PRLR: variants seen among roughly 807,000 people sequenced by gnomAD.
PRLR encodes the protein prolactin receptor, also known as hPRL receptor.
Under a neutral mutation model 40.2 loss-of-function variants are expected in PRLR, and 13 were observed. That is an observed-to-expected ratio of 0.32 (90% CI 0.21 to 0.51). The LOEUF (loss-of-function observed/expected upper bound fraction) is 0.51. Ranked by LOEUF, PRLR falls within the 20% of genes least tolerant of loss-of-function variation. The probability of loss-of-function intolerance (pLI) is 0.97; values close to 1 mark genes in which losing one functional copy is unlikely to be tolerated. For missense variants in PRLR, 656 were observed against 747.3 expected (o/e 0.88, Z 1.42); for synonymous variants, 269 against 278.7 (o/e 0.97, Z 0.35).
chr5:35,093,703 C>T (rs149941455), intron 2 of PRLR, among the ~76,000 whole-genome samples: 306 of 152,346 alleles, frequency 2.0e-3, no homozygotes, highest in African/African-American at 6.8e-3. Context: ...ATACATATGA[C>T]ATGCACAAAT....
At chr5:35,129,756 A>T (rs1044641444) in intron 1 of PRLR, among the ~76,000 whole-genome samples, 3 of 151,498 alleles carry the variant, frequency 2.0e-5, no homozygotes, top group African/African-American at 7.3e-5. Context: ...CCAGTGACAG[A>T]GTAACTTTAC....
At chr5:35,186,945 C>T (rs569269467) in intron 1 of PRLR, among the ~76,000 whole-genome samples, 12 of 152,190 alleles carry the variant, frequency 7.9e-5, no homozygotes, top group South Asian at 4.2e-4. Flanking sequence ...AGAGCACCCG[C>T]GGTGGCATGT....
At chr5:35,209,720 C>T (rs1180399292) in intron 1 of PRLR, among the ~76,000 whole-genome samples, 1 of 152,186 alleles carries the variant, frequency 6.6e-6, no homozygotes, top group African/African-American at 2.4e-5. Context: ...TATTCATTTC[C>T]ACGATCCAGA....
rs182702370 is a variant in PRLR, at chr5:35,107,872, C to T, written c.-44+10189G>A. On this transcript the variant is annotated intron_variant, in intron 2 of 9. Coordinates refer to ENST00000618457, the MANE Select transcript of PRLR (RefSeq NM_000949.7). ...AGAGGGAATCCTCCCTAACTCATTT[C>T]ATGAGGCCAGCATCATCCTGATACC... Among the ~76,000 whole-genome samples the T allele has an allele frequency of 1.3e-3, 199 of 152,256 alleles. 1 individual carries two copies. Among genetic ancestry groups the T allele is most frequent in the African/African-American group, 4.3e-3 (180 of 41,542 alleles).
chr5:35,173,387 T>TC lies in PRLR; in HGVS notation c.-105-55266dup, dbSNP rs1775056283. Among the ~76,000 whole-genome samples the TC allele has an allele frequency of 3.3e-5, 5 of 152,226 alleles. No individual in the cohort carries two copies. The South Asian group carries it at 8.3e-4, about 25-fold the overall frequency. Reference sequence around the variant, plus strand: ...GGGTCCATTCATGCCCTGCTTTTTCTCTTCCTCAGCCTTGATCTTGTTCCC... The same window carrying TC: ...GGGTCCATTCATGCCCTGCTTTTTCTCCTTCCTCAGCCTTGATCTTGTTCCC... On this transcript the variant is annotated intron_variant, in intron 1 of 9. Transcript: ENST00000618457.
chr5:35,210,933 A>G (rs1776153584), intron 1 of PRLR, among the ~76,000 whole-genome samples: 1 of 152,104 alleles, frequency 6.6e-6, no homozygotes, highest in Non-Finnish European at 1.5e-5. Context: ...GCTGGTCTCA[A>G]ACTACTTGGG....
At chr5:35,193,727 T>A (rs1481852633) in intron 1 of PRLR, among the ~76,000 whole-genome samples, 2 of 152,136 alleles carry the variant, frequency 1.3e-5, no homozygotes, top group Non-Finnish European at 2.9e-5. Flanking sequence ...TCTCCGAACA[T>A]CTGGAGGGCA....
At chr5:35,228,911 A>G (rs1188047358) in intron 1 of PRLR, among the ~76,000 whole-genome samples, 3 of 152,126 alleles carry the variant, frequency 2.0e-5, no homozygotes, top group African/African-American at 7.2e-5. Flanking sequence ...CATGGCTTTC[A>G]GGGAGTATCC....
At chr5:35,117,479 T>G (rs1037048707) in intron 2 of PRLR, among the ~76,000 whole-genome samples, 1 of 152,146 alleles carries the variant, frequency 6.6e-6, no homozygotes, top group Non-Finnish European at 1.5e-5. Flanking sequence ...GGTTTCTCCA[T>G]CTGTAAAATG....
chr5:35,165,996 C>T (rs1774815452), intron 1 of PRLR, among the ~76,000 whole-genome samples: 1 of 152,082 alleles, frequency 6.6e-6, no homozygotes, highest in Admixed American at 6.6e-5. Flanking sequence ...AGTTTCTATC[C>T]TCATATTCCT....
downstream of PRLR, among the ~76,000 whole-genome samples, chr5:35,051,704 G>T (rs1768503579): frequency 6.6e-6 from 1 of 152,168 alleles, no homozygotes; most frequent in African/African-American, 2.4e-5. Flanking sequence ...AAAGAAAAAT[G>T]AAGGAAGGGT....
At chr5:35,107,329 G>C (rs183334543) in intron 2 of PRLR, among the ~76,000 whole-genome samples, 2 of 152,230 alleles carry the variant, frequency 1.3e-5, no homozygotes, top group African/African-American at 4.8e-5. Context: ...AGAGAAGCAA[G>C]AGCAAACACA....
chr5:35,207,266 T>A (rs1348867079), intron 1 of PRLR, among the ~76,000 whole-genome samples: 2 of 152,094 alleles, frequency 1.3e-5, no homozygotes, highest in African/African-American at 4.8e-5. Context: ...TTATAAACTT[T>A]TATAATTAAC....
At chr5:35,113,069 C>A (rs1275982416) in intron 2 of PRLR, among the ~76,000 whole-genome samples, 1 of 151,832 alleles carries the variant, frequency 6.6e-6, no homozygotes, top group Non-Finnish European at 1.5e-5. Context: ...CATCCACCCA[C>A]CCATCCATCC....
intron 1 of PRLR, among the ~76,000 whole-genome samples, chr5:35,207,184 G>A (rs953474297): frequency 1.3e-5 from 2 of 152,052 alleles, no homozygotes; most frequent in African/African-American, 4.8e-5. Flanking sequence ...GATCAATGCT[G>A]TAAGACACCA....
intron 4 of PRLR, among the ~76,000 whole-genome samples, chr5:35,085,068 A>G (rs1770761595): frequency 6.6e-6 from 1 of 152,168 alleles, no homozygotes; most frequent in Non-Finnish European, 1.5e-5. Context: ...TACGTGTTGA[A>G]TTACTTTTCG....
intron 5 of PRLR, among the ~76,000 whole-genome samples, chr5:35,078,930 T>G (rs1018757254): frequency 1.3e-5 from 2 of 152,064 alleles, no homozygotes; most frequent in African/African-American, 4.8e-5. Context: ...ATGTAATCCA[T>G]CATAGAAACA....
At chr5:35,182,682 CT>C (rs1416920369) in intron 1 of PRLR, among the ~76,000 whole-genome samples, 1 of 152,136 alleles carries the variant, frequency 6.6e-6, no homozygotes, top group African/African-American at 2.4e-5. Flanking sequence ...CAGGTGGGAT[CT>C]CAAGGGCTGA....
rs1015497806 is a variant in PRLR at position 35,058,544 on chromosome 5, G to T, written c.*6545C>A. 1 of 152,116 alleles carries T rather than the reference G, an allele frequency of 6.6e-6. No individual in the cohort carries two copies. Among genetic ancestry groups the T allele is most frequent in the Non-Finnish European group, 1.5e-5 (1 of 67,994 alleles). The allele number at this position is 152,116 out of a possible 1,614,324, so 9.4% of individuals were successfully genotyped here. A position where few individuals can be genotyped will look rare whatever the true frequency, so the allele number is the denominator to read the frequency against. On this transcript the variant is annotated 3_prime_UTR_variant, in exon 10 of 10. Coordinates refer to ENST00000618457, the MANE Select transcript of PRLR (RefSeq NM_000949.7). ...GAGCAGCTGTACAATGAATGACATA[G>T]AATCTTTCTTCTAGACAAAGATTAG...
Sources: gnomAD v4.1 joint callset for allele counts (sites outside exome capture counted in the v4.1 genomes callset) on GRCh38, gnomAD v4.1.1 for gene constraint, MANE v1.5 for transcripts, NCBI Gene and HGNC (gene_info 2026-07-23, HGNC 2026-07-21) for gene names.